The following SYT16 variants were observed in gnomAD, a reference collection of about 807,000 sequenced individuals.
SYT16 encodes synaptotagmin-16.
Under a neutral mutation model 61.4 loss-of-function variants are expected in SYT16, and 42 were observed. The ratio of observed to expected loss-of-function variants is 0.68; its 90% confidence interval spans 0.53 to 0.89. SYT16 has a LOEUF of 0.89. Ranked by LOEUF, SYT16 falls within the 40% of genes least tolerant of loss-of-function variation. The pLI, the probability that SYT16 is intolerant of heterozygous loss-of-function variation, is 0.00. For missense variants in SYT16, 804 were observed against 807.3 expected (o/e 1.00, Z 0.05); for synonymous variants, 314 against 302.3 (o/e 1.04, Z -0.40).
intron 2 of SYT16, among the ~76,000 whole-genome samples, chr14:61,988,655 A>G (rs1214360966): frequency 3.9e-5 from 6 of 152,198 alleles, no homozygotes; most frequent in African/African-American, 7.2e-5. Context: ...ACTTAAGCAG[A>G]AGTTTATAAT....
At chr14:61,910,593 T>C (rs2048897037) in intron 1 of SYT16, among the ~76,000 whole-genome samples, 1 of 151,002 alleles carries the variant, frequency 6.6e-6, no homozygotes, top group Non-Finnish European at 1.5e-5. Flanking sequence ...TACAGTGGCA[T>C]GATCTCAGCT....
chr14:61,813,373 T>C (rs1477625031), intron 1 of SYT16, among the ~76,000 whole-genome samples: 2 of 152,170 alleles, frequency 1.3e-5, no homozygotes, highest in African/African-American at 4.8e-5. Flanking sequence ...AATGGAAGCG[T>C]TGGAAGGCGC....
chr14:61,959,215 A>G (rs937213312), intron 1 of SYT16, among the ~76,000 whole-genome samples: 3 of 152,102 alleles, frequency 2.0e-5, no homozygotes, highest in Admixed American at 1.3e-4. Flanking sequence ...TTCAGCCATT[A>G]TATGTCTTTT....
rs1175538931 is a variant in SYT16, at chr14:61,868,455, AT to A, written c.-325+55646del. Among the ~76,000 whole-genome samples, 6 of 152,028 alleles carry A rather than the reference AT, an allele frequency of 3.9e-5. No homozygotes were observed. In the South Asian group the frequency reaches 6.2e-4, roughly 16 times the overall value. The stretch of plus-strand genomic sequence containing the variant: ...ATTGATTTTAAATATTTGTATTTTT[AT>A]AATATAAGCACTACTTTTGCTGCAT... On this transcript the variant is annotated intron_variant, in intron 1 of 7. Transcript: ENST00000683842.
At chr14:62,024,746 A>C (rs2054037015) in intron 3 of SYT16, among the ~76,000 whole-genome samples, 1 of 152,056 alleles carries the variant, frequency 6.6e-6, no homozygotes, top group African/African-American at 2.4e-5. Flanking sequence ...CATCATACAT[A>C]ATATTTTCAC....
intron 3 of SYT16, among the ~76,000 whole-genome samples, chr14:62,060,724 T>A (rs2055789601): frequency 6.6e-6 from 1 of 152,034 alleles, no homozygotes; most frequent in South Asian, 2.1e-4. Flanking sequence ...CTTTTTTTAA[T>A]ATATTGCTGA....
At chr14:61,972,130 A>G (rs932851232) in intron 2 of SYT16, among the ~76,000 whole-genome samples, 27 of 152,252 alleles carry the variant, frequency 1.8e-4, no homozygotes, top group African/African-American at 6.3e-4. Flanking sequence ...TTAATTCTGT[A>G]GAGACACCAG....
chr14:62,000,646 T>C (rs552131073), intron 3 of SYT16, among the ~76,000 whole-genome samples: 167 of 152,184 alleles, frequency 1.1e-3, no homozygotes, highest in African/African-American at 3.9e-3. Context: ...TCTGCTTTCT[T>C]TGTACTGAGT....
intron 1 of SYT16, among the ~76,000 whole-genome samples, chr14:61,948,914 G>A (rs934955911): frequency 2.6e-5 from 4 of 152,118 alleles, no homozygotes; most frequent in Admixed American, 6.6e-5. Flanking sequence ...TGCAATGTGG[G>A]TTCTAGCTCT....
intron 1 of SYT16, among the ~76,000 whole-genome samples, chr14:61,960,115 G>T (rs1031922863): frequency 4.6e-5 from 7 of 152,132 alleles, no homozygotes; most frequent in Non-Finnish European, 7.4e-5. Context: ...ATTTGGGAAA[G>T]TCTTTATATC....
Position 61,933,862 on chromosome 14 carries a change from T to G in SYT16, c.-324-36270T>G, listed in dbSNP as rs538856753. On this transcript the variant is annotated intron_variant, in intron 1 of 7. Coordinates refer to ENST00000683842, the MANE Select transcript of SYT16 (RefSeq NM_001367656.1). ...AAATAAGGAGGATATTTAAAAATAC[T>G]TATATTCTATTTCCCTAGTCTCCAA... Among the ~76,000 whole-genome samples, 15 of 152,366 alleles carry G rather than the reference T, an allele frequency of 9.8e-5. No homozygotes were observed. In the East Asian group the frequency reaches 2.9e-3, roughly 29 times the overall value.
At chr14:62,042,036 T>C (rs992980099) in intron 3 of SYT16, among the ~76,000 whole-genome samples, 5 of 152,264 alleles carry the variant, frequency 3.3e-5, no homozygotes, top group African/African-American at 1.2e-4. Flanking sequence ...TTGTTGAATA[T>C]ATGGAATATA....
intron 3 of SYT16, among the ~76,000 whole-genome samples, chr14:62,064,515 A>G (rs1329962704): frequency 6.6e-6 from 1 of 152,150 alleles, no homozygotes; most frequent in East Asian, 1.9e-4. Context: ...ATAGATGCTC[A>G]TGAAAATCTT....
intron 1 of SYT16, among the ~76,000 whole-genome samples, chr14:61,922,721 C>T (rs1374102697): frequency 1.3e-5 from 2 of 152,112 alleles, no homozygotes; most frequent in African/African-American, 2.4e-5. Context: ...TATAAATTTG[C>T]ATGGGTAGCA....
At chr14:61,909,390 G>A (rs919410912) in intron 1 of SYT16, among the ~76,000 whole-genome samples, 1 of 152,136 alleles carries the variant, frequency 6.6e-6, no homozygotes, top group African/African-American at 2.4e-5. Flanking sequence ...TGTTGGCAGG[G>A]CCATGCTCCC....
intron 7 of SYT16, among the ~76,000 whole-genome samples, chr14:62,096,795 G>A (rs553261802): frequency 1.3e-5 from 2 of 152,274 alleles, no homozygotes; most frequent in African/African-American, 4.8e-5. Flanking sequence ...AGGATCTTCA[G>A]TTGCAATGTT....
intron 1 of SYT16, among the ~76,000 whole-genome samples, chr14:61,876,545 A>G (rs1196672101): frequency 2.6e-5 from 4 of 152,226 alleles, no homozygotes; most frequent in Non-Finnish European, 5.9e-5. Context: ...GCTGTGTCAT[A>G]TTTGTACTGA....
chr14:61,880,295 G>A (rs1594815756), intron 1 of SYT16, among the ~76,000 whole-genome samples: 1 of 152,304 alleles, frequency 6.6e-6, no homozygotes, highest in Admixed American at 6.5e-5. Context: ...ATGTGGGTAT[G>A]GGGGGTCTGT....
At chr14:62,049,973 T>A (rs185029486) in intron 3 of SYT16, among the ~76,000 whole-genome samples, 10 of 152,214 alleles carry the variant, frequency 6.6e-5, no homozygotes, top group African/African-American at 2.4e-4. Flanking sequence ...TCTCAAAGAG[T>A]ATCTTTGTGG....
Sources: allele counts gnomAD v4.1 joint callset (sites outside exome capture counted in the v4.1 genomes callset), GRCh38; gene constraint gnomAD v4.1.1; transcripts MANE v1.5; gene names NCBI Gene and HGNC (gene_info 2026-07-23, HGNC 2026-07-21).